The following CSMD1 variants were observed in gnomAD, a reference collection of about 807,000 sequenced individuals.
CSMD1 encodes CUB and sushi domain-containing protein 1.
CSMD1 carries 213 observed loss-of-function variants against 417.5 expected under a neutral mutation model. That is an observed-to-expected ratio of 0.51 (90% CI 0.46 to 0.57). The LOEUF is 0.57. CSMD1 is among the 20% of genes least tolerant of loss of function. The probability of loss-of-function intolerance (pLI) is 0.00; values close to 1 mark genes in which losing one functional copy is unlikely to be tolerated. For synonymous variants in CSMD1, 2,862 were observed against 1,736.8 expected, an observed-to-expected ratio of 1.65 and a Z score of -16.11; for missense variants, 6,923 against 4,529.7, an observed-to-expected ratio of 1.53 and a Z score of -15.17.
intron 2 of CSMD1, among the ~76,000 whole-genome samples, chr8:4,516,634 G>T (rs1013224629): frequency 2.8e-4 from 42 of 152,192 alleles, no homozygotes; most frequent in Non-Finnish European, 4.9e-4. Context: ...GATAAAACCT[G>T]TTGTGTGATC....
At position 3,867,101 on chromosome 8, in the gene CSMD1, G is replaced by T. The variant is rs140096725; in HGVS notation, c.819-113059C>A. 1.2e-4 allele frequency among the ~76,000 whole-genome samples: 18 copies of T among 152,172 alleles called. No homozygotes were observed. The East Asian group carries it at 3.5e-3, about 29-fold the overall frequency. On this transcript the variant is annotated intron_variant, in intron 5 of 69. Coordinates refer to ENST00000635120, the MANE Select transcript of CSMD1 (RefSeq NM_033225.6). ...TTTTTAAAAATATTGTAACCATTTT[G>T]ATTGATTGATTTTTTTTCTACTATA...
chr8:3,214,410 T>C lies in CSMD1; in HGVS notation c.4867+87A>G, dbSNP rs1246615225. On this transcript the variant is annotated intron_variant, in intron 30 of 69. Transcript: ENST00000635120. ...CCTCACCACCGATGAGAGGAATACGTGTTGAAATGTGAAACCATTTCTTCA... is the reference window on the plus strand; with the variant it reads ...CCTCACCACCGATGAGAGGAATACGCGTTGAAATGTGAAACCATTTCTTCA... 9.8e-6 allele frequency: 11 copies of C among 1,118,678 alleles called. No individual in the cohort carries two copies. The Admixed American group carries it at 2.5e-4, about 26-fold the overall frequency. 69.3% of individuals were successfully genotyped at this position (1,118,678 alleles called of 1,614,324 possible).
intron 3 of CSMD1, among the ~76,000 whole-genome samples, chr8:4,055,887 C>G (rs2554527): frequency 0.94 from 142,707 of 152,136 alleles, 66,994 homozygotes; most frequent in East Asian, 0.99. Context: ...ATAGCACTTA[C>G]ATACAAATGA....
At position 3,983,853 on chromosome 8, in the gene CSMD1, C is replaced by T. The variant is rs72507686; in HGVS notation, c.818+14050G>A. Among the ~76,000 whole-genome samples the T allele has an allele frequency of 4.0e-3, 602 of 151,704 alleles. 25 individuals carry two copies. The East Asian group carries it at 0.066, about 17-fold the overall frequency. ...GGCAGATCTGGCCGGCTGTCAATTG[C>T]AACTCTAGAGCACACAGCAGATCTA... is the stretch of plus-strand genomic sequence containing the variant. On this transcript the variant is annotated intron_variant, in intron 5 of 69. Transcript: ENST00000635120.
chr8:3,890,409 C>G (rs184727612), intron 5 of CSMD1, among the ~76,000 whole-genome samples: 9 of 152,028 alleles, frequency 5.9e-5, no homozygotes, highest in Admixed American at 6.6e-5. Flanking sequence ...AAGGGGACAT[C>G]AGACGCCACC....
intron 54 of CSMD1, among the ~76,000 whole-genome samples, chr8:2,992,211 GCACA>G (rs1367256087): frequency 1.3e-5 from 2 of 151,364 alleles, no homozygotes; most frequent in Non-Finnish European, 2.9e-5. Flanking sequence ...ATACACACAT[GCACA>G]CACACATGCA....
At chr8:3,769,586 C>G (rs892725971) in intron 5 of CSMD1, among the ~76,000 whole-genome samples, 55 of 152,096 alleles carry the variant, frequency 3.6e-4, no homozygotes, top group African/African-American at 1.3e-3. Context: ...TATGTACACG[C>G]AGATATAAAA....
Position 3,716,628 on chromosome 8 carries a change from C to G in CSMD1, c.932-8137G>C, listed in dbSNP as rs558789066. Reference sequence around the variant, plus strand: ...ATTTCATCAGGAAGGACTTTATGGCCTGTGTCTTGTGCTAACCTCCTCTCT... The same window carrying G: ...ATTTCATCAGGAAGGACTTTATGGCGTGTGTCTTGTGCTAACCTCCTCTCT... On this transcript the variant is annotated intron_variant, in intron 6 of 69. Transcript: ENST00000635120. 5.9e-5 allele frequency among the ~76,000 whole-genome samples: 9 copies of G among 152,240 alleles called. No individual in the cohort carries two copies. In the South Asian group the frequency reaches 1.9e-3, roughly 32 times the overall value.
At chr8:3,667,606 T>G (rs540322399) in intron 7 of CSMD1, among the ~76,000 whole-genome samples, 22 of 152,134 alleles carry the variant, frequency 1.4e-4, no homozygotes, top group African/African-American at 5.1e-4. Context: ...ATTTTGTGAG[T>G]GACAGAGGAG....
chr8:4,228,084 G>A (rs886474041), intron 3 of CSMD1, among the ~76,000 whole-genome samples: 1 of 151,836 alleles, frequency 6.6e-6, no homozygotes, highest in African/African-American at 2.4e-5. Context: ...CCCACACCAG[G>A]AGACACACTC....
chr8:3,615,672 AC>A (rs1456143808), intron 8 of CSMD1, among the ~76,000 whole-genome samples: 2 of 152,170 alleles, frequency 1.3e-5, no homozygotes, highest in Non-Finnish European at 2.9e-5. Context: ...TAACTAAAAA[AC>A]ATTCCTTCTT....
At chr8:4,186,758 G>T (rs1439607697) in intron 3 of CSMD1, among the ~76,000 whole-genome samples, 6 of 151,786 alleles carry the variant, frequency 4.0e-5, no homozygotes, top group Non-Finnish European at 4.4e-5. Flanking sequence ...AAGCTGAGGC[G>T]GGTGGATCAC....
At chr8:4,062,619 A>G (rs1355801858) in intron 3 of CSMD1, among the ~76,000 whole-genome samples, 2 of 152,150 alleles carry the variant, frequency 1.3e-5, no homozygotes, top group Non-Finnish European at 2.9e-5. Context: ...AAGCTGGAAA[A>G]ACAGCACTTA....
At chr8:4,103,388 T>C (rs943481697) in intron 3 of CSMD1, among the ~76,000 whole-genome samples, 2 of 151,444 alleles carry the variant, frequency 1.3e-5, no homozygotes, top group East Asian at 1.9e-4. Context: ...CAGGGAACCA[T>C]TGGCCAAATT....
chr8:4,270,272 T>G (rs1804503773), intron 3 of CSMD1, among the ~76,000 whole-genome samples: 2 of 152,298 alleles, frequency 1.3e-5, no homozygotes, highest in East Asian at 1.9e-4. Flanking sequence ...CATTTTTAAT[T>G]AATTCACTAC....
chr8:3,009,890 T>A (rs1808249880), intron 52 of CSMD1, among the ~76,000 whole-genome samples: 2 of 152,264 alleles, frequency 1.3e-5, no homozygotes, highest in South Asian at 4.1e-4. Context: ...ACAGCTTTTT[T>A]AAACCAGTTT....
chr8:4,630,075 T>C (rs1206771777), intron 2 of CSMD1, among the ~76,000 whole-genome samples: 1 of 152,150 alleles, frequency 6.6e-6, no homozygotes, highest in Non-Finnish European at 1.5e-5. Context: ...GAACCATCCG[T>C]TTTTAGCTAC....
chr8:3,888,753 C>T (rs1047862287), intron 5 of CSMD1, among the ~76,000 whole-genome samples: 1 of 152,086 alleles, frequency 6.6e-6, no homozygotes, highest in Non-Finnish European at 1.5e-5. Flanking sequence ...GACAACAAAC[C>T]GACCTTCCAA....
chr8:4,592,125 C>T lies in CSMD1; in HGVS notation c.302+45217G>A, dbSNP rs2724982. Among the ~76,000 whole-genome samples the T allele has an allele frequency of 7.3e-5, 11 of 151,612 alleles. No individual in the cohort carries two copies. The East Asian group carries it at 7.8e-4, about 11-fold the overall frequency. On this transcript the variant is annotated intron_variant, in intron 2 of 69. Coordinates refer to ENST00000635120, the MANE Select transcript of CSMD1 (RefSeq NM_033225.6). ...TTAACGAGCGGCTTTGCTGGCATAA[C>T]GGATTCCTGATTTATAACATTTGCC...
Sources: allele counts gnomAD v4.1 joint callset (sites outside exome capture counted in the v4.1 genomes callset), GRCh38; gene constraint gnomAD v4.1.1; transcripts MANE v1.5; gene names NCBI Gene and HGNC (gene_info 2026-07-23, HGNC 2026-07-21).